CHCHD6: variants seen among roughly 807,000 people sequenced by gnomAD.
CHCHD6 encodes the protein MICOS complex subunit MIC25.
Under a neutral mutation model 32.3 loss-of-function variants are expected in CHCHD6, and 28 were observed. That is an observed-to-expected ratio of 0.87 (90% CI 0.64 to 1.19). The LOEUF (loss-of-function observed/expected upper bound fraction) is 1.19. Among genes scored for constraint, CHCHD6 ranks in the 50% most tolerant of loss-of-function variants. CHCHD6 has a pLI of 0.00. For missense variants in CHCHD6, 333 were observed against 307.0 expected (o/e 1.08, Z -0.63); for synonymous variants, 122 against 117.5 (o/e 1.04, Z -0.25).
intron 4 of CHCHD6, among the ~76,000 whole-genome samples, chr3:126,742,835 C>T (rs905204589): frequency 6.6e-6 from 1 of 152,180 alleles, no homozygotes; most frequent in African/African-American, 2.4e-5. Context: ...ATCAATGACC[C>T]AGTTTCAGAT....
chr3:126,738,238 A>G (rs1434893503), intron 4 of CHCHD6, among the ~76,000 whole-genome samples: 1 of 152,122 alleles, frequency 6.6e-6, no homozygotes, highest in East Asian at 1.9e-4. Context: ...GTATCTGCAG[A>G]TTCAACCCAC....
intron 4 of CHCHD6, chr3:126,767,299 C>T: frequency 8.9e-7 from 1 of 1,129,718 alleles, no homozygotes; most frequent in South Asian, 1.2e-5. Flanking sequence ...TCTTGTTCTC[C>T]CCAAACGCAA....
At chr3:126,805,277 G>A (rs986881778) in intron 4 of CHCHD6, among the ~76,000 whole-genome samples, 2 of 152,204 alleles carry the variant, frequency 1.3e-5, no homozygotes, top group Admixed American at 6.5e-5. Context: ...GTTTGCAGAC[G>A]ACATGATTGT....
At chr3:126,786,463 A>G (rs1416172233) in intron 4 of CHCHD6, among the ~76,000 whole-genome samples, 9 of 152,204 alleles carry the variant, frequency 5.9e-5, no homozygotes, top group Middle Eastern at 3.4e-3. Flanking sequence ...AAGTGTTCCT[A>G]TTTCTCCACA....
At chr3:126,951,679 C>A (rs2078717319) in intron 6 of CHCHD6, among the ~76,000 whole-genome samples, 1 of 152,204 alleles carries the variant, frequency 6.6e-6, no homozygotes, top group Admixed American at 6.5e-5. Flanking sequence ...CAGTCGGCCA[C>A]CAGAGGTGTG....
chr3:126,757,027 A>G (rs1333190168), intron 4 of CHCHD6, among the ~76,000 whole-genome samples: 1 of 152,124 alleles, frequency 6.6e-6, no homozygotes, highest in Non-Finnish European at 1.5e-5. Context: ...CTTTTTTAGC[A>G]TAGGGAAGAA....
chr3:126,832,286 T>G (rs78448795), intron 4 of CHCHD6, among the ~76,000 whole-genome samples: 28,392 of 152,196 alleles, frequency 0.19, 3,266 homozygotes, highest in Non-Finnish European at 0.27. Context: ...GGCTGTTGAA[T>G]GAATATCTCC....
intron 4 of CHCHD6, among the ~76,000 whole-genome samples, chr3:126,782,252 T>G (rs540732500): frequency 6.6e-6 from 1 of 152,344 alleles, no homozygotes; most frequent in Admixed American, 6.5e-5. Context: ...AGGGGCTGCC[T>G]GTTTGTTGTG....
chr3:126,879,859 A>G (rs2077586122), intron 5 of CHCHD6, among the ~76,000 whole-genome samples: 1 of 152,234 alleles, frequency 6.6e-6, no homozygotes, highest in African/African-American at 2.4e-5. Context: ...CCGTGATGAA[A>G]TGTGTAAATG....
chr3:126,927,370 G>T (rs1191226517), intron 6 of CHCHD6, among the ~76,000 whole-genome samples: 2 of 152,218 alleles, frequency 1.3e-5, no homozygotes, highest in South Asian at 4.1e-4. Context: ...AAGCTGTCTG[G>T]GGGGTGGTGG....
At chr3:126,805,129 G>C (rs912529075) in intron 4 of CHCHD6, among the ~76,000 whole-genome samples, 6 of 152,064 alleles carry the variant, frequency 3.9e-5, no homozygotes, top group African/African-American at 1.4e-4. Flanking sequence ...CATTCCCTTT[G>C]AAAACTGGCA....
chr3:126,938,595 G>A (rs2107602074), intron 6 of CHCHD6, among the ~76,000 whole-genome samples: 1 of 152,324 alleles, frequency 6.6e-6, no homozygotes, highest in South Asian at 2.1e-4. Context: ...AAAGACTGGT[G>A]CCAATAAGGT....
At chr3:126,755,124 G>A (rs986767109) in intron 4 of CHCHD6, among the ~76,000 whole-genome samples, 1 of 152,236 alleles carries the variant, frequency 6.6e-6, no homozygotes, top group Admixed American at 6.5e-5. Flanking sequence ...GGCATAAGCA[G>A]TGCCAGCCAA....
chr3:126,808,897 A>G (rs540440667), intron 4 of CHCHD6, among the ~76,000 whole-genome samples: 1 of 152,280 alleles, frequency 6.6e-6, no homozygotes, highest in Admixed American at 6.5e-5. Flanking sequence ...ACACTCTCAT[A>G]ATAAGCAGAT....
chr3:126,730,081 G>A (rs563740949), intron 2 of CHCHD6, among the ~76,000 whole-genome samples: 4 of 152,252 alleles, frequency 2.6e-5, no homozygotes, highest in Admixed American at 2.0e-4. Flanking sequence ...TTAATATGGG[G>A]CATTTGCCAC....
intron 4 of CHCHD6, among the ~76,000 whole-genome samples, chr3:126,745,164 C>T (rs898007932): frequency 1.3e-5 from 2 of 152,156 alleles, no homozygotes; most frequent in African/African-American, 4.8e-5. Context: ...TACCTGGACA[C>T]GTGACTGCCC....
chr3:126,880,857 T>C (rs2077599157), intron 5 of CHCHD6, among the ~76,000 whole-genome samples: 1 of 152,212 alleles, frequency 6.6e-6, no homozygotes, highest in Non-Finnish European at 1.5e-5. Context: ...GTGAAAATGA[T>C]CAAAGGTTCC....
chr3:126,885,468 T>C (rs1291868020), intron 5 of CHCHD6, among the ~76,000 whole-genome samples: 1 of 152,178 alleles, frequency 6.6e-6, no homozygotes, highest in Non-Finnish European at 1.5e-5. Context: ...CTTTAAAGAA[T>C]CCAGCACCTC....
chr3:126,943,679 G>A (rs189964015), intron 6 of CHCHD6, among the ~76,000 whole-genome samples: 15 of 152,298 alleles, frequency 9.8e-5, no homozygotes, highest in African/African-American at 3.6e-4. Context: ...TAGCGAGGTA[G>A]GGCTGTCATA....
Sources: gnomAD v4.1 joint callset for allele counts (sites outside exome capture counted in the v4.1 genomes callset) on GRCh38, gnomAD v4.1.1 for gene constraint, MANE v1.5 for transcripts, NCBI Gene and HGNC (gene_info 2026-07-23, HGNC 2026-07-21) for gene names.